Variants in RIMS1 observed in about 807,000 individuals in gnomAD.
RIMS1 encodes regulating synaptic membrane exocytosis 1.
Under a neutral mutation model 214.1 loss-of-function variants are expected in RIMS1, and 83 were observed. The ratio of observed to expected loss-of-function variants is 0.39; its 90% CI spans 0.32 to 0.47. The LOEUF (loss-of-function observed/expected upper bound fraction) is 0.47. RIMS1 is among the 20% of genes least tolerant of loss of function. The pLI, the probability that RIMS1 is intolerant of heterozygous loss-of-function variation, is 0.99. For synonymous variants in RIMS1, 793 were observed against 786.8 expected (o/e 1.01, Z -0.13); for missense variants, 2,050 against 2,161.8 (o/e 0.95, Z 1.03).
chr6:72,116,974 T>G (rs750838151), intron 4 of RIMS1, among the ~76,000 whole-genome samples: 2 of 151,994 alleles, frequency 1.3e-5, no homozygotes, highest in African/African-American at 4.8e-5. Context: ...GACAACCTTA[T>G]TAATATCTCC....
chr6:72,359,538 G>A (rs1412030151), intron 29 of RIMS1, among the ~76,000 whole-genome samples: 4 of 151,566 alleles, frequency 2.6e-5, no homozygotes, highest in Non-Finnish European at 4.4e-5. Flanking sequence ...AGTTAGGCAC[G>A]TCTTCAATGA....
chr6:71,931,840 G>A, intron 1 of RIMS1, among the ~76,000 whole-genome samples: 1 of 151,866 alleles, frequency 6.6e-6, no homozygotes, highest in East Asian at 1.9e-4. Context: ...GTCCCGGAAT[G>A]GTATACATGC....
At chr6:71,936,161 A>G (rs1186591618) in intron 1 of RIMS1, among the ~76,000 whole-genome samples, 1 of 151,558 alleles carries the variant, frequency 6.6e-6, no homozygotes, top group South Asian at 2.1e-4. Context: ...CCCCGTCTCT[A>G]CTAAAAATAC....
At chr6:72,049,754 AAGG>A (rs907961058) in intron 2 of RIMS1, among the ~76,000 whole-genome samples, 14 of 152,236 alleles carry the variant, frequency 9.2e-5, no homozygotes, top group Non-Finnish European at 1.9e-4. Flanking sequence ...ATAATTAAGG[AAGG>A]AGAAGTACAG....
intron 2 of RIMS1, among the ~76,000 whole-genome samples, chr6:72,004,205 T>C (rs1347152102): frequency 1.3e-5 from 2 of 152,006 alleles, no homozygotes; most frequent in Admixed American, 1.3e-4. Context: ...GAACTCATCA[T>C]TTTTTATGGC....
intron 24 of RIMS1, among the ~76,000 whole-genome samples, chr6:72,284,369 C>T (rs2091534662): frequency 6.6e-6 from 1 of 152,086 alleles, no homozygotes; most frequent in African/African-American, 2.4e-5. Flanking sequence ...ATTCTGATTA[C>T]TAATAAGGAT....
chr6:72,264,507 G>C (rs1235139869), intron 19 of RIMS1, among the ~76,000 whole-genome samples: 1 of 151,972 alleles, frequency 6.6e-6, no homozygotes, highest in Non-Finnish European at 1.5e-5. Flanking sequence ...CTGCAGTCTG[G>C]TACTATGACC....
At chr6:72,369,986 A>G (rs1036621948) in intron 29 of RIMS1, among the ~76,000 whole-genome samples, 3 of 152,246 alleles carry the variant, frequency 2.0e-5, no homozygotes, top group Non-Finnish European at 2.9e-5. Context: ...TCAAAGATTA[A>G]TTCTTGGAAG....
At chr6:71,987,424 C>G (rs1440062764) in intron 2 of RIMS1, among the ~76,000 whole-genome samples, 1 of 152,178 alleles carries the variant, frequency 6.6e-6, no homozygotes, top group Non-Finnish European at 1.5e-5. Flanking sequence ...GAAGCAAACT[C>G]TCTTGTGTCT....
chr6:71,995,246 GA>G (rs1181573527), intron 2 of RIMS1, among the ~76,000 whole-genome samples: 3 of 152,094 alleles, frequency 2.0e-5, no homozygotes, highest in African/African-American at 7.2e-5. Context: ...AAACTAAAAG[GA>G]AATTAATTTA....
chr6:72,159,160 A>T, intron 4 of RIMS1, among the ~76,000 whole-genome samples: 1 of 140,612 alleles, frequency 7.1e-6, no homozygotes, highest in African/African-American at 2.5e-5. Flanking sequence ...GATGTTGAGC[A>T]TTTTTTCATG....
chr6:72,132,064 A>T (rs1425407507), intron 4 of RIMS1, among the ~76,000 whole-genome samples: 3 of 152,168 alleles, frequency 2.0e-5, no homozygotes, highest in Non-Finnish European at 4.4e-5. Flanking sequence ...CCAAGATTTC[A>T]TATTGTTTAA....
At chr6:72,127,559 C>T (rs2039765840) in intron 4 of RIMS1, among the ~76,000 whole-genome samples, 1 of 152,102 alleles carries the variant, frequency 6.6e-6, no homozygotes, top group South Asian at 2.1e-4. Context: ...CTTATATAGA[C>T]ACTATCAAAG....
intron 4 of RIMS1, among the ~76,000 whole-genome samples, chr6:72,117,783 A>G (rs534448688): frequency 6.6e-6 from 1 of 152,130 alleles, no homozygotes; most frequent in African/African-American, 2.4e-5. Flanking sequence ...AAGCAATGTT[A>G]AGAGGAAAGT....
intron 29 of RIMS1, among the ~76,000 whole-genome samples, chr6:72,367,227 C>T (rs1047086636): frequency 1.3e-5 from 2 of 152,030 alleles, no homozygotes; most frequent in African/African-American, 2.4e-5. Flanking sequence ...TAAATCTTAA[C>T]GGTATCATAA....
At chr6:71,953,911 A>G (rs1004687167) in intron 1 of RIMS1, among the ~76,000 whole-genome samples, 6 of 152,194 alleles carry the variant, frequency 3.9e-5, no homozygotes, top group Admixed American at 3.9e-4. Context: ...GAATTAAAGG[A>G]CTGTTGCTTT....
intron 28 of RIMS1, among the ~76,000 whole-genome samples, chr6:72,332,423 A>G (rs951071510): frequency 6.6e-6 from 1 of 150,938 alleles, no homozygotes; most frequent in South Asian, 2.1e-4. Flanking sequence ...TTCTCAGTAA[A>G]CTATCGCAAG....
At chr6:72,239,439 G>A (rs570452457) in intron 9 of RIMS1, among the ~76,000 whole-genome samples, 21 of 152,178 alleles carry the variant, frequency 1.4e-4, no homozygotes, top group South Asian at 2.1e-4. Flanking sequence ...TTATGTATTC[G>A]AAGAAAGTGA....
chr6:72,084,364 A>G (rs1740310805), intron 2 of RIMS1, among the ~76,000 whole-genome samples: 1 of 152,154 alleles, frequency 6.6e-6, no homozygotes, highest in African/African-American at 2.4e-5. Context: ...ATTTCTCATA[A>G]TTTTACTTGA....
Sources: allele counts gnomAD v4.1 joint callset (sites outside exome capture counted in the v4.1 genomes callset), GRCh38; gene constraint gnomAD v4.1.1; transcripts MANE v1.5; gene names NCBI Gene and HGNC (gene_info 2026-07-23, HGNC 2026-07-21).